Variants in SLC24A2 observed in about 807,000 individuals in gnomAD.
SLC24A2 encodes sodium/potassium/calcium exchanger 2.
A neutral mutation model predicts 62.0 loss-of-function variants in SLC24A2; 36 were observed. That is an observed-to-expected ratio of 0.58 (90% CI 0.44 to 0.77). The LOEUF (loss-of-function observed/expected upper bound fraction) is 0.77, where lower values mean the gene tolerates loss of function less well. SLC24A2 is among the 30% of genes least tolerant of loss of function. The pLI is 0.00. For missense variants in SLC24A2, 846 were observed against 817.9 expected, an observed-to-expected ratio of 1.03 and a Z score of -0.42; for synonymous variants, 358 against 294.0, an observed-to-expected ratio of 1.22 and a Z score of -2.23.
the SLC24A2 span, among the ~76,000 whole-genome samples, chr9:20,192,570 G>A: frequency 6.6e-6 from 1 of 152,036 alleles, no homozygotes; most frequent in Non-Finnish European, 1.5e-5. Context: ...ATAGAGCCCT[G>A]GAATGTATAT....
At chr9:20,302,003 T>C in the SLC24A2 span, among the ~76,000 whole-genome samples, 1 of 152,222 alleles carries the variant, frequency 6.6e-6, no homozygotes, top group Non-Finnish European at 1.5e-5. Flanking sequence ...ATACACTATA[T>C]AGACTTTACA....
intron 2 of SLC24A2, among the ~76,000 whole-genome samples, chr9:19,631,889 T>C (rs183191363): frequency 6.6e-4 from 101 of 152,296 alleles, no homozygotes; most frequent in African/African-American, 2.3e-3. Context: ...GGTGGTCCAA[T>C]TGGACCTGTA....
intron 7 of SLC24A2, among the ~76,000 whole-genome samples, chr9:19,565,951 T>A (rs1366213705): frequency 6.6e-6 from 1 of 151,020 alleles, no homozygotes; most frequent in African/African-American, 2.5e-5. Flanking sequence ...TTACACCTTA[T>A]ACAAAAATTA....
At chr9:20,269,850 C>T in the SLC24A2 span, among the ~76,000 whole-genome samples, 2 of 152,152 alleles carry the variant, frequency 1.3e-5, no homozygotes, top group Non-Finnish European at 2.9e-5. Context: ...CTTGTTGATA[C>T]CTGGTCTTAG....
the SLC24A2 span, among the ~76,000 whole-genome samples, chr9:19,982,243 G>T: frequency 6.6e-6 from 1 of 152,204 alleles, no homozygotes; most frequent in Non-Finnish European, 1.5e-5. Context: ...ATTCATACTG[G>T]AAATCAAAAG....
chr9:19,768,936 C>T (rs1442882435), intron 2 of SLC24A2, among the ~76,000 whole-genome samples: 1 of 152,108 alleles, frequency 6.6e-6, no homozygotes, highest in Non-Finnish European at 1.5e-5. Context: ...TTGAGTTCTT[C>T]CCTGCTACAT....
At chr9:20,148,569 G>T in the SLC24A2 span, among the ~76,000 whole-genome samples, 1 of 152,050 alleles carries the variant, frequency 6.6e-6, no homozygotes. Flanking sequence ...ATTTAAGTGC[G>T]CAAATAAATG....
chr9:19,554,958 T>C (rs1835010253), intron 7 of SLC24A2, among the ~76,000 whole-genome samples: 1 of 152,212 alleles, frequency 6.6e-6, no homozygotes, highest in Admixed American at 6.5e-5. Context: ...GATCACTCTA[T>C]GAATTACATA....
the SLC24A2 span, among the ~76,000 whole-genome samples, chr9:20,171,035 C>T: frequency 1.3e-5 from 2 of 152,034 alleles, no homozygotes; most frequent in African/African-American, 4.8e-5. Flanking sequence ...AGAAACCCTA[C>T]AAACTAGAAG....
At chr9:19,911,805 C>T in the SLC24A2 span, among the ~76,000 whole-genome samples, 4 of 152,116 alleles carry the variant, frequency 2.6e-5, no homozygotes, top group Admixed American at 6.6e-5. Context: ...GATGCACCAT[C>T]GCTATCACTT....
chr9:20,238,123 G>T, the SLC24A2 span, among the ~76,000 whole-genome samples: 2 of 152,162 alleles, frequency 1.3e-5, no homozygotes, highest in African/African-American at 4.8e-5. Context: ...GAAAAGCCCA[G>T]GTCTGTTCCT....
At chr9:20,139,291 C>G in the SLC24A2 span, among the ~76,000 whole-genome samples, 1 of 152,230 alleles carries the variant, frequency 6.6e-6, no homozygotes, top group African/African-American at 2.4e-5. Flanking sequence ...CTACCCCTTA[C>G]TCCCTGTGAG....
chr9:19,815,839 T>C, the SLC24A2 span, among the ~76,000 whole-genome samples: 1 of 152,022 alleles, frequency 6.6e-6, no homozygotes, highest in African/African-American at 2.4e-5. Flanking sequence ...CACTGGATTA[T>C]AAAACAAAGA....
chr9:20,012,362 A>G, the SLC24A2 span, among the ~76,000 whole-genome samples: 26 of 152,186 alleles, frequency 1.7e-4, no homozygotes, highest in African/African-American at 5.8e-4. Flanking sequence ...CGTGAGTCTT[A>G]TTCACCATCA....
chr9:20,047,799 TG>T, the SLC24A2 span, among the ~76,000 whole-genome samples: 1 of 151,104 alleles, frequency 6.6e-6, no homozygotes, highest in Non-Finnish European at 1.5e-5. Context: ...ACCATCACCT[TG>T]GGGGTTAGGA....
At chr9:19,774,160 G>A (rs1266194018) in intron 2 of SLC24A2, among the ~76,000 whole-genome samples, 5 of 152,176 alleles carry the variant, frequency 3.3e-5, no homozygotes, top group Non-Finnish European at 5.9e-5. Flanking sequence ...GGGACTCAGA[G>A]CAAAAGAGAC....
chr9:19,636,315 T>TTTTCTTTTCTTTTCTTTTCCTTTCTTTC lies in SLC24A2; in HGVS notation c.931-14017_931-14016insGAAAGAAAGGAAAAGAAAAGAAAAGAAA. On this transcript the variant is annotated intron_variant, in intron 2 of 10. Transcript: ENST00000341998. ...TTTTCTTTTCTTTTCTTTTCTTTTC[T>TTTTCTTTTCTTTTCTTTTCCTTTCTTTC]TTTCTTTCTTTCTTTCTTTCTTTCT... is the stretch of plus-strand genomic sequence containing the variant. 1.2e-3 allele frequency among the ~76,000 whole-genome samples: 47 copies of TTTTCTTTTCTTTTCTTTTCCTTTCTTTC among 40,326 alleles called. 6 individuals are homozygous for TTTTCTTTTCTTTTCTTTTCCTTTCTTTC. The highest frequency in any genetic ancestry group is 2.9e-3 in the South Asian group (3 of 1,046). The allele number at this position is 40,326 out of a possible 152,430, so 26.5% of individuals were successfully genotyped here.
the SLC24A2 span, among the ~76,000 whole-genome samples, chr9:19,970,246 T>C: frequency 1.3e-5 from 2 of 152,322 alleles, no homozygotes; most frequent in South Asian, 4.1e-4. Flanking sequence ...AAATCACTGA[T>C]ATTTTTCAGG....
Position 19,634,108 on chromosome 9 carries a change from C to T in SLC24A2, c.931-11809G>A, listed in dbSNP as rs116373549. On this transcript the variant is annotated intron_variant, in intron 2 of 10. Coordinates refer to ENST00000341998, the MANE Select transcript of SLC24A2 (RefSeq NM_020344.4). ...TTTTTTGCCTATGGCTTTTCCATTG[C>T]TATTATGCCCTATATTTATTTATTT... Among the ~76,000 whole-genome samples the T allele has an allele frequency of 7.2e-3, 1,099 of 151,956 alleles. 16 individuals are homozygous for T. Among genetic ancestry groups the T allele is most frequent in the African/African-American group, 0.025 (1,027 of 41,420 alleles).
Sources: gnomAD v4.1 joint callset for allele counts (sites outside exome capture counted in the v4.1 genomes callset) on GRCh38, gnomAD v4.1.1 for gene constraint, MANE v1.5 for transcripts, NCBI Gene and HGNC (gene_info 2026-07-23, HGNC 2026-07-21) for gene names.